FRMD5: variants seen among roughly 807,000 people sequenced by gnomAD.
FRMD5 encodes the protein FERM domain-containing protein 5.
FRMD5 carries 20 observed loss-of-function variants against 69.0 expected under a neutral mutation model. That is an observed-to-expected ratio of 0.29 (90% CI 0.20 to 0.42). The LOEUF (loss-of-function observed/expected upper bound fraction) is 0.42. Ranked by LOEUF, FRMD5 falls within the 10% of genes least tolerant of loss-of-function variation. The pLI, the probability that FRMD5 is intolerant of heterozygous loss-of-function variation, is 1.00. For synonymous variants in FRMD5, 271 were observed against 260.1 expected (o/e 1.04, Z -0.40); for missense variants, 595 against 708.6 (o/e 0.84, Z 1.82).
intron 1 of FRMD5, among the ~76,000 whole-genome samples, chr15:43,949,804 C>T (rs1051687453): frequency 2.6e-5 from 4 of 152,118 alleles, no homozygotes; most frequent in Non-Finnish European, 5.9e-5. Flanking sequence ...ATACCCTGGA[C>T]ACAAGGCATC....
intron 1 of FRMD5, among the ~76,000 whole-genome samples, chr15:43,973,474 T>C (rs1448553070): frequency 6.6e-6 from 1 of 151,862 alleles, no homozygotes; most frequent in East Asian, 1.9e-4. Context: ...TTCAAGCGAT[T>C]CTCCTGGTTC....
intron 1 of FRMD5, among the ~76,000 whole-genome samples, chr15:44,147,439 A>G (rs577126751): frequency 7.2e-5 from 11 of 152,114 alleles, no homozygotes; most frequent in African/African-American, 2.4e-4. Flanking sequence ...TTTGCTTAGG[A>G]TGTTTTTGGC....
intron 4 of FRMD5, among the ~76,000 whole-genome samples, chr15:43,911,061 T>G (rs1391906985): frequency 6.6e-6 from 1 of 152,248 alleles, no homozygotes; most frequent in Non-Finnish European, 1.5e-5. Flanking sequence ...TTTTGAAATG[T>G]CTTCACAAGG....
chr15:43,994,530 A>C (rs1889832540), intron 1 of FRMD5, among the ~76,000 whole-genome samples: 1 of 152,174 alleles, frequency 6.6e-6, no homozygotes, highest in Non-Finnish European at 1.5e-5. Flanking sequence ...TCCCAGGTTC[A>C]ACTGATTCTC....
intron 1 of FRMD5, among the ~76,000 whole-genome samples, chr15:44,017,632 A>G (rs1188261438): frequency 7.8e-6 from 1 of 128,264 alleles, no homozygotes; most frequent in African/African-American, 2.8e-5. Flanking sequence ...TTTTTTTTTG[A>G]GACTGGCTCT....
intron 3 of FRMD5, 53 bp downstream of exon 3, chr15:43,919,714 C>T (rs1383393718): frequency 1.6e-5 from 25 of 1,557,690 alleles, no homozygotes; most frequent in Non-Finnish European, 1.8e-5. Context: ...TGGGAGGTTT[C>T]GTCCCACCCT....
intron 7 of FRMD5, among the ~76,000 whole-genome samples, chr15:43,900,892 C>G (rs1486847045): frequency 6.6e-6 from 1 of 152,150 alleles, no homozygotes; most frequent in African/African-American, 2.4e-5. Flanking sequence ...GCTGGGATAA[C>G]AGGTGTGAGC....
chr15:44,025,068 G>C (rs1891370849), intron 1 of FRMD5, among the ~76,000 whole-genome samples: 1 of 152,266 alleles, frequency 6.6e-6, no homozygotes, highest in Admixed American at 6.5e-5. Flanking sequence ...GTAGAAGTGG[G>C]GTAGTAATAC....
At position 43,873,889 on chromosome 15, in the gene FRMD5, G is replaced by A. The variant is rs752602387; in HGVS notation, c.1709C>T (p.Thr570Ile). The change falls in exon 14 of 14, where the codon ACC becomes ATC. Residue 570 changes from threonine to isoleucine, a missense_variant. This residue lies in a region of FRMD5 where 245 missense variants were observed against 227.1 expected (regional missense o/e 1.08). Transcript: ENST00000417257. Reference protein sequence around the residue: ...IRSVVSLLIDT With the variant: ...IRSVVSLLIDI ...TTTGGGAGGAGTCATGCCTTCTCAG[G>A]TGTCAATGAGCAGGCTCACCACTGA... 6.2e-7 allele frequency: 1 copy of A among 1,613,644 alleles called. No homozygotes were observed. Among genetic ancestry groups the A allele is most frequent in the Non-Finnish European group, 8.5e-7 (1 of 1,179,712 alleles).
intron 10 of FRMD5, 91 bp downstream of exon 10, chr15:43,888,083 GC>G: frequency 2.1e-6 from 2 of 952,782 alleles, no homozygotes; most frequent in Non-Finnish European, 3.3e-6. Flanking sequence ...CAGCTACCCC[GC>G]CCCAAGTTCC....
chr15:43,892,021 C>T lies in FRMD5; in HGVS notation c.688G>A (p.Val230Ile), dbSNP rs761189645. 2.5e-6 allele frequency: 4 copies of T among 1,614,188 alleles called. No individual in the cohort carries two copies. Among genetic ancestry groups the T allele is most frequent in the Non-Finnish European group, 3.4e-6 (4 of 1,180,012 alleles). The change falls in exon 8 of 14, where the codon GTT (valine) becomes ATT (isoleucine). Residue 230 changes from valine (V) to isoleucine (I), a missense_variant. Physicochemically the swap from Val to Ile is conservative, Grantham distance 29. Around this residue, in one of 5 missense-constraint regions of FRMD5, gnomAD observed 176 missense variants for 266.3 expected, o/e 0.66. Transcript: ENST00000417257. ...ACCCTCTTGTTTCCTTGAAGAACAA[C>T]AAACCCAAAAGGAGTGAAGGCCAGA... ...AFLAFTPFGF[V>I]VLQGNKRVHF...
chr15:43,881,269 G>C (rs2088521549), intron 13 of FRMD5, among the ~76,000 whole-genome samples: 1 of 152,150 alleles, frequency 6.6e-6, no homozygotes, highest in African/African-American at 2.4e-5. Flanking sequence ...GGAAAGAAAG[G>C]CCACAGAGGG....
intron 1 of FRMD5, among the ~76,000 whole-genome samples, chr15:44,048,277 T>A (rs1443161784): frequency 6.6e-6 from 1 of 152,222 alleles, no homozygotes; most frequent in African/African-American, 2.4e-5. Flanking sequence ...AGGTGGTATC[T>A]CACTGTCGTT....
Position 43,934,870 on chromosome 15 carries a change from G to A in FRMD5, c.103-10561C>T, listed in dbSNP as rs552392013. 7.9e-5 allele frequency among the ~76,000 whole-genome samples: 12 copies of A among 152,346 alleles called. 1 individual carries two copies. Among genetic ancestry groups the A allele is most frequent in the African/African-American group, 2.4e-4 (10 of 41,582 alleles). On this transcript the variant is annotated intron_variant, in intron 1 of 13. Coordinates refer to ENST00000417257, the MANE Select transcript of FRMD5 (RefSeq NM_032892.5). The stretch of plus-strand genomic sequence containing the variant: ...ATTTCTATATGCGAGGGCTTTAGGC[G>A]TGACAGTCTGGCTGGGGTGAGGGTG...
At chr15:44,195,548 C>A (rs907932843), upstream of FRMD5, among the ~76,000 whole-genome samples, 2 of 152,212 alleles carry the variant, frequency 1.3e-5, no homozygotes, top group African/African-American at 2.4e-5. Flanking sequence ...GTGTGAGCAC[C>A]CAACTGGATT....
intron 1 of FRMD5, among the ~76,000 whole-genome samples, chr15:44,023,513 T>C (rs975942161): frequency 3.3e-5 from 5 of 152,208 alleles, no homozygotes; most frequent in Non-Finnish European, 2.9e-5. Flanking sequence ...GGAAAGAGCC[T>C]GTTTTAGTAC....
intron 1 of FRMD5, among the ~76,000 whole-genome samples, chr15:44,052,465 G>A (rs919182145): frequency 1.3e-5 from 2 of 152,084 alleles, no homozygotes; most frequent in Admixed American, 6.5e-5. Flanking sequence ...AATGGTATTC[G>A]AATCTAAGAG....
intron 1 of FRMD5, among the ~76,000 whole-genome samples, chr15:43,942,672 A>G (rs1011443283): frequency 2.6e-5 from 4 of 152,252 alleles, no homozygotes; most frequent in African/African-American, 7.2e-5. Flanking sequence ...ATGACAACAC[A>G]TAAGAGTCAA....
At chr15:44,040,725 A>G (rs1892148568) in intron 1 of FRMD5, among the ~76,000 whole-genome samples, 1 of 152,158 alleles carries the variant, frequency 6.6e-6, no homozygotes, top group African/African-American at 2.4e-5. Flanking sequence ...CAAATTGTAA[A>G]GACTATCCAC....
Sources: gnomAD v4.1 joint callset for allele counts (sites outside exome capture counted in the v4.1 genomes callset) on GRCh38, gnomAD v4.1.1 for gene constraint, gnomAD v4.1.1 regional missense constraint, MANE v1.5 for transcripts, NCBI Gene and HGNC (gene_info 2026-07-23, HGNC 2026-07-21) for gene names.